Variants in MCF2L observed in about 807,000 individuals in gnomAD.
MCF2L encodes MCF.2 cell line derived transforming sequence like.
Under a neutral mutation model 153.4 loss-of-function variants are expected in MCF2L, and 97 were observed. The observed-to-expected ratio is 0.63, with a 90% CI of 0.54 to 0.75. MCF2L has a LOEUF of 0.75. Ranked by LOEUF, MCF2L falls within the 30% of genes least tolerant of loss-of-function variation. The pLI is 0.00. For missense variants in MCF2L, 1,347 were observed against 1,495.2 expected (o/e 0.90, Z 1.64); for synonymous variants, 659 against 632.2 (o/e 1.04, Z -0.64).
chr13:112,978,772 C>T (rs2082298922), intron 1 of MCF2L, among the ~76,000 whole-genome samples: 1 of 152,256 alleles, frequency 6.6e-6, no homozygotes, highest in Admixed American at 6.5e-5. Context: ...CACAAGCAGG[C>T]CTGAGCGCCA....
chr13:113,089,392 GGT>G (rs1305227410), intron 25 of MCF2L, among the ~76,000 whole-genome samples: 1 of 127,346 alleles, frequency 7.9e-6, no homozygotes, highest in Non-Finnish European at 1.7e-5. Flanking sequence ...AGCCCGTCCG[GGT>G]TTAACTTAGA....
rs1300606652 is a variant in MCF2L, at chr13:112,993,274, G to A, written c.80-21489G>A. 1.1e-4 allele frequency among the ~76,000 whole-genome samples: 17 copies of A among 152,210 alleles called. No individual in the cohort carries two copies. Among genetic ancestry groups the A allele is most frequent in the Non-Finnish European group, 1.6e-4 (11 of 68,036 alleles). On this transcript the variant is annotated intron_variant, in intron 1 of 29. Transcript: ENST00000535094. This position sits in a 1 kb window ranked among gnomAD's most constrained non-coding sequence, Gnocchi z 4.6. ...GTGAACATGGTGGCGGGGGAGCGCCGGGCACACAACATGGTGGGTGTTCCT... is the reference window on the plus strand; with the variant it reads ...GTGAACATGGTGGCGGGGGAGCGCCAGGCACACAACATGGTGGGTGTTCCT...
chr13:113,067,007 G>T (rs150350733), intron 8 of MCF2L, among the ~76,000 whole-genome samples: 1 of 152,244 alleles, frequency 6.6e-6, no homozygotes, highest in South Asian at 2.1e-4. Context: ...GGGGCTCCTC[G>T]TAGATGGGGT....
intron 2 of MCF2L, among the ~76,000 whole-genome samples, chr13:112,955,478 C>T (rs763300290): frequency 6.6e-5 from 10 of 152,154 alleles, no homozygotes; most frequent in Non-Finnish European, 8.8e-5. Context: ...ACCACATGCC[C>T]GGTTACTGTT....
chr13:113,091,486 G>A (rs565818990), intron 26 of MCF2L, among the ~76,000 whole-genome samples: 1 of 152,330 alleles, frequency 6.6e-6, no homozygotes, highest in South Asian at 2.1e-4. Flanking sequence ...TGGCCGTGCT[G>A]GGTGGAGCTG....
At chr13:113,039,053 G>A (rs746519536) in intron 3 of MCF2L, among the ~76,000 whole-genome samples, 54 of 152,134 alleles carry the variant, frequency 3.5e-4, no homozygotes, top group Non-Finnish European at 7.3e-4. Context: ...TAGAGACGGG[G>A]TTTCACCGTG....
At chr13:113,034,256 C>T (rs2085990763) in intron 3 of MCF2L, 1 of 151,924 alleles carries the variant, frequency 6.6e-6, no homozygotes, top group Non-Finnish European at 1.5e-5. Flanking sequence ...CCCACCTCAG[C>T]CTCCCGAGTA....
chr13:113,013,104 C>G (rs1040697872), intron 1 of MCF2L, among the ~76,000 whole-genome samples: 1 of 152,168 alleles, frequency 6.6e-6, no homozygotes, highest in Non-Finnish European at 1.5e-5. Context: ...GAAAAACTTA[C>G]CGTAAAATCT....
intron 21 of MCF2L, 39 bp downstream of exon 21, chr13:113,086,288 G>A (rs2873281): frequency 0.15 from 240,938 of 1,602,334 alleles, 20,025 homozygotes; most frequent in Middle Eastern, 0.27. Flanking sequence ...CGCCGCCTCC[G>A]TGGAATACAC....
intron 3 of MCF2L, among the ~76,000 whole-genome samples, chr13:113,036,615 C>T (rs1002648133): frequency 3.3e-5 from 5 of 152,242 alleles, no homozygotes; most frequent in Admixed American, 1.3e-4. Context: ...CAGAAGGACG[C>T]GCTGTCCCGG....
Position 113,014,811 on chromosome 13 carries a change from A to G in MCF2L, c.128A>G (p.Gln43Arg). 1.2e-6 allele frequency: 2 copies of G among 1,614,050 alleles called. No homozygotes were observed. Among genetic ancestry groups the G allele is most frequent in the South Asian group, 2.2e-5 (2 of 91,076 alleles). Residue 43 changes from glutamine (Q) to arginine (R), a missense_variant, in exon 2 of 30, where the codon CAG becomes CGG. By Grantham distance (43) the Gln-to-Arg change is conservative (BLOSUM62 1). This residue lies in a region of MCF2L where 820 missense variants were observed against 921.2 expected (regional missense o/e 0.89). Transcript: ENST00000535094. ...DIVPLCAADI[Q>R]DQLKKRFAYL... is the part of the protein sequence containing the mutation. ...GTCCCGCTCTGTGCTGCCGACATCC[A>G]GGACCAGCTAAAGAAGCGCTTTGCT...
chr13:112,909,256 T>C (rs908712030), intron 2 of MCF2L: 5 of 779,576 alleles, frequency 6.4e-6, no homozygotes, highest in East Asian at 2.4e-5. Flanking sequence ...CCAGCAGAGG[T>C]CTCGGCATCT....
intron 1 of MCF2L, among the ~76,000 whole-genome samples, chr13:113,005,189 A>G (rs2083605962): frequency 6.6e-6 from 1 of 152,222 alleles, no homozygotes; most frequent in Non-Finnish European, 1.5e-5. Context: ...GACAGCACGG[A>G]TGAGCCTGGA....
intron 2 of MCF2L, among the ~76,000 whole-genome samples, chr13:112,930,590 A>G (rs1289328830): frequency 6.6e-6 from 1 of 152,208 alleles, no homozygotes; most frequent in East Asian, 1.9e-4. Flanking sequence ...ACTGTATATG[A>G]TATCATGTAT....
At chr13:113,021,965 C>T (rs563733706) in intron 2 of MCF2L, among the ~76,000 whole-genome samples, 6 of 152,312 alleles carry the variant, frequency 3.9e-5, no homozygotes, top group Admixed American at 3.3e-4. Flanking sequence ...GGCCCCCGTG[C>T]GATTTCAGCT....
rs2083913974 is a variant in MCF2L at position 113,009,144 on chromosome 13, C to A, written c.80-5619C>A. The A allele has an allele frequency of 3.9e-5, 6 of 152,280 alleles. 1 individual carries two copies. Among genetic ancestry groups the A allele is most frequent in the Admixed American group, 3.9e-4 (6 of 15,292 alleles). 9.4% of individuals were successfully genotyped at this position (152,280 alleles called of 1,614,324 possible). A position where few individuals can be genotyped will look rare whatever the true frequency, so the allele number is the denominator to read the frequency against. On this transcript the variant is annotated intron_variant, in intron 1 of 29. Coordinates refer to ENST00000535094, the MANE Select transcript of MCF2L (RefSeq NM_001112732.3). ...CGGGGCGGCTGTGCACTGACACCTG[C>A]CCCCCACGTGGGAGTCCGCCGGCTC...
chr13:113,048,953 CAG>C (rs2087019506), intron 4 of MCF2L, among the ~76,000 whole-genome samples: 1 of 152,156 alleles, frequency 6.6e-6, no homozygotes, highest in Non-Finnish European at 1.5e-5. Flanking sequence ...GGGGAGGGGG[CAG>C]AGTTAGGCCC....
chr13:113,033,323 G>A (rs200860370), intron 3 of MCF2L, among the ~76,000 whole-genome samples: 1,289 of 20,560 alleles, frequency 0.063, 115 homozygotes, highest in East Asian at 0.17. Flanking sequence ...GGCCCCTGTG[G>A]CGTGAGTGGC....
chr13:113,090,335 A>C, intron 26 of MCF2L: 8 of 985,434 alleles, frequency 8.1e-6, no homozygotes, highest in Non-Finnish European at 9.6e-6. Context: ...AGTTATTTAG[A>C]GGTGGCTTTC....
Sources: allele counts gnomAD v4.1 joint callset (sites outside exome capture counted in the v4.1 genomes callset), GRCh38; gene constraint gnomAD v4.1.1; regional missense constraint gnomAD v4.1.1; non-coding constraint Gnocchi (gnomAD v3.1); transcripts MANE v1.5; gene names NCBI Gene and HGNC (gene_info 2026-07-23, HGNC 2026-07-21).